The following DMD variants were observed in gnomAD, a reference collection of about 807,000 sequenced individuals.
DMD encodes the protein dystrophin, also known as mutant dystrophin.
A neutral mutation model predicts 330.1 loss-of-function variants in DMD; 63 were observed. That is an observed-to-expected ratio of 0.19 (90% CI 0.16 to 0.24). The LOEUF (loss-of-function observed/expected upper bound fraction) is 0.24, where lower values mean the gene tolerates loss of function less well. Ranked by LOEUF, DMD falls within the 10% of genes least tolerant of loss-of-function variation. The probability of loss-of-function intolerance (pLI) is 1.00; values close to 1 mark genes in which losing one functional copy is unlikely to be tolerated. For missense variants in DMD, 3,344 were observed against 2,684.1 expected, an observed-to-expected ratio of 1.25 and a Z score of -5.43; for synonymous variants, 1,223 against 959.8, an observed-to-expected ratio of 1.27 and a Z score of -5.07.
intron 50 of DMD, among the ~76,000 whole-genome samples, chrX:31,775,375 T>C (rs143207482): frequency 1.8e-5 from 2 of 110,999 alleles, no homozygotes; most frequent in East Asian, 5.7e-4. Flanking sequence ...GGCCCCAAAA[T>C]GTGAAATACT....
At chrX:33,006,969 A>C (rs1224146156) in intron 2 of DMD, among the ~76,000 whole-genome samples, 1 of 110,419 alleles carries the variant, frequency 9.1e-6, no homozygotes, top group African/African-American at 3.3e-5. Flanking sequence ...ATCCTGTTAC[A>C]TCTACTTTCA....
chrX:32,697,916 G>A lies in DMD; in HGVS notation c.914C>T (p.Ala305Val), dbSNP rs886044188. The A allele has an allele frequency of 1.7e-6, 2 of 1,209,465 alleles. No homozygotes were observed. Among genetic ancestry groups the A allele is most frequent in the East Asian group, 3.0e-5 (1 of 33,722 alleles). ...TGTAGGGTCAGAGGTGGTGACATAAGCAGCCTGTGTGTAGGCATAGCTCTT... is the reference window on the plus strand; with the variant it reads ...TGTAGGGTCAGAGGTGGTGACATAAACAGCCTGTGTGTAGGCATAGCTCTT... The part of the protein sequence containing the change: ...RFKSYAYTQA[A>V]YVTTSDPTRS... The change falls in exon 9 of 79, where the codon GCT (alanine) becomes GTT (valine). Residue 305 changes from alanine to valine, a missense_variant. Transcript: ENST00000357033.
At chrX:31,814,511 A>G (rs1450262881) in intron 50 of DMD, among the ~76,000 whole-genome samples, 2 of 104,006 alleles carry the variant, frequency 1.9e-5, no homozygotes, top group African/African-American at 6.9e-5. Context: ...AAAAAAAAAA[A>G]AAAAGAAAAC....
intron 11 of DMD, among the ~76,000 whole-genome samples, chrX:32,632,967 CCTT>C (rs2058844111): frequency 8.9e-6 from 1 of 112,296 alleles, no homozygotes; most frequent in African/African-American, 3.2e-5. Context: ...TGCTCAGAAG[CCTT>C]CTTGAGTTCT....
At chrX:31,465,521 C>A (rs1462092313) in intron 59 of DMD, among the ~76,000 whole-genome samples, 1 of 109,130 alleles carries the variant, frequency 9.2e-6, no homozygotes, top group Non-Finnish European at 1.9e-5. Flanking sequence ...CATGTCCCTG[C>A]CAAGGACATG....
At chrX:31,994,548 T>G (rs1444010402) in intron 44 of DMD, among the ~76,000 whole-genome samples, 1 of 111,446 alleles carries the variant, frequency 9.0e-6, no homozygotes, top group Non-Finnish European at 1.9e-5. Context: ...TGGAAAACAG[T>G]CTGGCAAGAG....
intron 59 of DMD, among the ~76,000 whole-genome samples, chrX:31,459,340 A>T (rs1328004427): frequency 1.8e-5 from 2 of 112,010 alleles, no homozygotes; most frequent in Non-Finnish European, 3.8e-5. Context: ...ATGAAAGGAA[A>T]CTCAGCAGTA....
chrX:32,851,691 C>A (rs1435194161), intron 2 of DMD, among the ~76,000 whole-genome samples: 2 of 112,454 alleles, frequency 1.8e-5, no homozygotes, highest in Non-Finnish European at 3.8e-5. Context: ...AACACCACCC[C>A]TCCCCCATCC....
At chrX:33,334,529 G>A (rs1302702688) in intron 1 of DMD, among the ~76,000 whole-genome samples, 1 of 111,367 alleles carries the variant, frequency 9.0e-6, no homozygotes, top group Non-Finnish European at 1.9e-5. Flanking sequence ...CATGAAAGGA[G>A]TCCTATATAG....
At chrX:32,285,612 G>A (rs1211880797) in intron 43 of DMD, among the ~76,000 whole-genome samples, 1 of 111,273 alleles carries the variant, frequency 9.0e-6, no homozygotes, top group Non-Finnish European at 1.9e-5. Flanking sequence ...TACACAGAGT[G>A]GCTGAGTTTC....
Position 32,371,397 on chromosome X carries a change from C to T in DMD, c.4846-6198G>A, listed in dbSNP as rs1414825484. 2.7e-5 allele frequency among the ~76,000 whole-genome samples: 3 copies of T among 110,515 alleles called. No individual in the cohort carries two copies. The East Asian group carries it at 8.5e-4, about 31-fold the overall frequency. On this transcript the variant is annotated intron_variant, in intron 34 of 78. Transcript: ENST00000357033. ...CATACTAAGACTACTGTTAATAAAA[C>T]AGGCGGTAGGATGAACATACTATAG...
At chrX:31,179,875 T>G (rs1332884145) in intron 69 of DMD, among the ~76,000 whole-genome samples, 1 of 111,701 alleles carries the variant, frequency 9.0e-6, no homozygotes, top group Non-Finnish European at 1.9e-5. Context: ...TTACACAGGG[T>G]AGTTTAAAAG....
chrX:32,256,266 T>A (rs779946579), intron 43 of DMD, among the ~76,000 whole-genome samples: 2 of 111,567 alleles, frequency 1.8e-5, no homozygotes, highest in South Asian at 7.5e-4. Flanking sequence ...TCTTGATCTT[T>A]GTTGGTTTAA....
intron 53 of DMD, among the ~76,000 whole-genome samples, chrX:31,659,945 A>G (rs1323018273): frequency 8.9e-6 from 1 of 112,035 alleles, no homozygotes; most frequent in African/African-American, 3.2e-5. Flanking sequence ...TATGATATTT[A>G]CAGAATAAAA....
At chrX:31,169,112 C>T (rs759969457) in intron 74 of DMD, among the ~76,000 whole-genome samples, 2 of 111,343 alleles carry the variant, frequency 1.8e-5, no homozygotes, top group East Asian at 5.6e-4. Flanking sequence ...ATCATATAAT[C>T]ATAAAATTAA....
intron 44 of DMD, among the ~76,000 whole-genome samples, chrX:32,182,457 A>G (rs1435079935): frequency 9.0e-6 from 1 of 111,536 alleles, no homozygotes; most frequent in African/African-American, 3.3e-5. Context: ...TGCCTCATGA[A>G]CAAACTTCAA....
intron 1 of DMD, among the ~76,000 whole-genome samples, chrX:33,234,565 ATAT>A (rs1240618982): frequency 8.9e-6 from 1 of 111,791 alleles, no homozygotes; most frequent in East Asian, 2.8e-4. Flanking sequence ...TATGTGTTAG[ATAT>A]TATTATTACT....
At chrX:32,016,871 T>A (rs1482069002) in intron 44 of DMD, among the ~76,000 whole-genome samples, 3 of 112,448 alleles carry the variant, frequency 2.7e-5, no homozygotes, top group African/African-American at 9.7e-5. Flanking sequence ...AGATGAAAAG[T>A]TTTTAAAAAC....
intron 1 of DMD, among the ~76,000 whole-genome samples, chrX:33,201,730 G>A (rs776955273): frequency 8.9e-6 from 1 of 112,361 alleles, no homozygotes; most frequent in Non-Finnish European, 1.9e-5. Flanking sequence ...AGAATAGTAT[G>A]GCACGTTAAT....
Sources: gnomAD v4.1 joint callset for allele counts (sites outside exome capture counted in the v4.1 genomes callset) on GRCh38, gnomAD v4.1.1 for gene constraint, MANE v1.5 for transcripts, NCBI Gene and HGNC (gene_info 2026-07-23, HGNC 2026-07-21) for gene names.